The following CRTC3 variants were observed in gnomAD, a reference collection of about 807,000 sequenced individuals.
CRTC3 encodes CREB-regulated transcription coactivator 3.
In CRTC3, 26 loss-of-function variants were observed where a neutral mutation model predicts 74.5. The ratio of observed to expected loss-of-function variants is 0.35; its 90% CI spans 0.26 to 0.48. The LOEUF is 0.48. Ranked by LOEUF, CRTC3 falls within the 20% of genes least tolerant of loss-of-function variation. The pLI, the probability that CRTC3 is intolerant of heterozygous loss-of-function variation, is 0.99. For missense variants in CRTC3, 760 were observed against 787.3 expected (o/e 0.97, Z 0.41); for synonymous variants, 377 against 325.8 (o/e 1.16, Z -1.69).
chr15:90,560,992 T>G (rs1966999421), intron 2 of CRTC3, among the ~76,000 whole-genome samples: 1 of 152,226 alleles, frequency 6.6e-6, no homozygotes, highest in South Asian at 2.1e-4. Flanking sequence ...AATTTTCATG[T>G]TGATGGTCAC....
At chr15:90,609,130 C>A (rs1968299332) in intron 6 of CRTC3, among the ~76,000 whole-genome samples, 1 of 152,142 alleles carries the variant, frequency 6.6e-6, no homozygotes, top group Non-Finnish European at 1.5e-5. Flanking sequence ...ATAATTGTTG[C>A]TATATTTGTT....
At chr15:90,559,673 G>T (rs542473125) in intron 2 of CRTC3, among the ~76,000 whole-genome samples, 1 of 152,250 alleles carries the variant, frequency 6.6e-6, no homozygotes, top group East Asian at 1.9e-4. Flanking sequence ...CAGTCAGGCT[G>T]GTGTGCAATA....
chr15:90,538,523 A>G (rs1354677737), intron 1 of CRTC3, among the ~76,000 whole-genome samples: 3 of 152,196 alleles, frequency 2.0e-5, no homozygotes, highest in Non-Finnish European at 4.4e-5. Flanking sequence ...GAGAATACAT[A>G]TTGAAATATG....
intron 11 of CRTC3, among the ~76,000 whole-genome samples, chr15:90,634,478 A>AGAT (rs1228281620): frequency 6.6e-6 from 1 of 152,198 alleles, no homozygotes; most frequent in East Asian, 1.9e-4. Context: ...TATCTCTAAT[A>AGAT]GATAAGGATT....
At chr15:90,633,735 C>T (rs1235886145) in intron 11 of CRTC3, among the ~76,000 whole-genome samples, 1 of 152,000 alleles carries the variant, frequency 6.6e-6, no homozygotes, top group Admixed American at 6.6e-5. Context: ...CGAATGTTGA[C>T]TATCCTGGAC....
chr15:90,629,469 A>ACAT lies in CRTC3; in HGVS notation c.1206_1208dup (p.His402dup). 1 of 1,614,128 alleles carries ACAT rather than the reference A, an allele frequency of 6.2e-7. No individual in the cohort carries two copies. Among genetic ancestry groups the ACAT allele is most frequent in the Non-Finnish European group, 8.5e-7 (1 of 1,180,030 alleles). ...TCACGCTTTCTCCTGGCCCTGAAGCACATCAAGGTTTCAGCAGACAGCTGT... is the reference window on the plus strand; with the variant it reads ...TCACGCTTTCTCCTGGCCCTGAAGCACATCATCAAGGTTTCAGCAGACAGCTGT... On this transcript the variant is annotated inframe_insertion, in exon 11 of 15. Transcript: ENST00000268184.
intron 11 of CRTC3, among the ~76,000 whole-genome samples, chr15:90,637,412 G>A (rs986893380): frequency 5.3e-5 from 8 of 152,150 alleles, no homozygotes; most frequent in African/African-American, 9.7e-5. Context: ...TGTGGGATGC[G>A]GGGAAGGGGG....
chr15:90,545,811 T>C (rs184089784), intron 2 of CRTC3, among the ~76,000 whole-genome samples: 5,463 of 151,938 alleles, frequency 0.036, 128 homozygotes, highest in African/African-American at 0.058. Context: ...ATCTCCTGAC[T>C]TTGTGATCCG....
chr15:90,574,181 A>T (rs1014102000), intron 2 of CRTC3, among the ~76,000 whole-genome samples: 4 of 152,172 alleles, frequency 2.6e-5, no homozygotes, highest in African/African-American at 7.2e-5. Context: ...ATTTTAAAAA[A>T]ATATATAAAC....
At position 90,644,132 on chromosome 15, in the gene CRTC3, G is replaced by C. The variant is rs965359122; in HGVS notation, c.*1992G>C. ...GGGAAATCAAACCAGAGTCCTCCTCGCCTGATTTCCAGCTCAGGAAGGGCC... is the reference window on the plus strand; with the variant it reads ...GGGAAATCAAACCAGAGTCCTCCTCCCCTGATTTCCAGCTCAGGAAGGGCC... On this transcript the variant is annotated 3_prime_UTR_variant, in exon 15 of 15. Transcript: ENST00000268184. 1 of 228,420 alleles carries C rather than the reference G, an allele frequency of 4.4e-6. No homozygotes were observed. The allele number at this position is 228,420 out of a possible 1,614,324, so 14.1% of individuals were successfully genotyped here. A position where few individuals can be genotyped will look rare whatever the true frequency, so the allele number is the denominator to read the frequency against.
chr15:90,619,233 G>T (rs562280896), intron 8 of CRTC3, among the ~76,000 whole-genome samples: 22 of 152,328 alleles, frequency 1.4e-4, no homozygotes, highest in African/African-American at 5.1e-4. Context: ...GAGGCGGGTG[G>T]ATCACCTGAG....
intron 2 of CRTC3, among the ~76,000 whole-genome samples, chr15:90,549,296 G>A (rs1406268504): frequency 1.3e-5 from 2 of 151,986 alleles, no homozygotes; most frequent in African/African-American, 2.4e-5. Context: ...GTGTGTGTGT[G>A]TGTGTGTGTA....
intron 13 of CRTC3, among the ~76,000 whole-genome samples, chr15:90,640,245 T>A (rs1969391219): frequency 1.3e-5 from 2 of 152,146 alleles, no homozygotes; most frequent in Admixed American, 6.5e-5. Context: ...TTAAAATGGC[T>A]TAGAAAATTA....
chr15:90,604,564 G>A (rs545946106), intron 5 of CRTC3, 117 bp downstream of exon 5: 5 of 806,984 alleles, frequency 6.2e-6, no homozygotes, highest in South Asian at 4.6e-5. Flanking sequence ...GATATGACAT[G>A]TTCAAAACAA....
At chr15:90,585,928 C>G (rs1053027372) in intron 2 of CRTC3, among the ~76,000 whole-genome samples, 3 of 152,148 alleles carry the variant, frequency 2.0e-5, no homozygotes, top group Admixed American at 1.3e-4. Flanking sequence ...GCTTTCTTTG[C>G]TTTCTGGCTC....
chr15:90,599,911 A>G (rs1049251260), intron 3 of CRTC3, among the ~76,000 whole-genome samples: 2 of 152,224 alleles, frequency 1.3e-5, no homozygotes, highest in African/African-American at 4.8e-5. Flanking sequence ...AGATTCATCA[A>G]ATCTGCAGAA....
chr15:90,591,314 C>T (rs1468496081), intron 2 of CRTC3, among the ~76,000 whole-genome samples: 3 of 151,874 alleles, frequency 2.0e-5, no homozygotes, highest in African/African-American at 7.3e-5. Flanking sequence ...GAGACAGGGT[C>T]TCACTATGTT....
rs1395383648 is a variant in CRTC3, at chr15:90,642,057, G to A, written c.1777G>A (p.Asp593Asn). Reference protein sequence around the residue: ...EELQIEPLSLDGLNMLSDSSM... With the variant: ...EELQIEPLSLNGLNMLSDSSM... ...GCTGCAGATTGAACCCCTGAGCCTGGACGGACTCAACATGTTAAGTGACTC... is the reference window on the plus strand; with the variant it reads ...GCTGCAGATTGAACCCCTGAGCCTGAACGGACTCAACATGTTAAGTGACTC... The change falls in exon 15 of 15, where the codon GAC becomes AAC. Residue 593 changes from aspartate to asparagine, a missense_variant. Around this residue, in one of 2 missense-constraint regions of CRTC3, gnomAD observed 652 missense variants for 635.2 expected, o/e 1.03. Transcript: ENST00000268184. 2 of 1,614,012 alleles carry A rather than the reference G, an allele frequency of 1.2e-6. No individual in the cohort carries two copies. Among genetic ancestry groups the A allele is most frequent in the African/African-American group, 1.3e-5 (1 of 75,028 alleles).
chr15:90,629,341 G>A lies in CRTC3; in HGVS notation c.1075G>A (p.Ala359Thr), dbSNP rs748480543. 1 of 1,613,872 alleles carries A rather than the reference G, an allele frequency of 6.2e-7. No individual in the cohort carries two copies. Among genetic ancestry groups the A allele is most frequent in the African/African-American group, 1.3e-5 (1 of 74,862 alleles). Residue 359 changes from alanine (A) to threonine (T), a missense_variant, in exon 11 of 15, where the codon GCT (alanine) becomes ACT (threonine). Physicochemically the swap from Ala to Thr is moderately conservative, Grantham distance 58 (BLOSUM62 0). Transcript: ENST00000268184. ...ACAGACATCTGTTCCCAACGCATCTGCTCTTCACCCTTCGCTCCGTCTGTT... is the reference window on the plus strand; with the variant it reads ...ACAGACATCTGTTCCCAACGCATCTACTCTTCACCCTTCGCTCCGTCTGTT... ...HPQTSVPNAS[A>T]LHPSLRLFSL...
Sources: gnomAD v4.1 joint callset for allele counts (sites outside exome capture counted in the v4.1 genomes callset) on GRCh38, gnomAD v4.1.1 for gene constraint, gnomAD v4.1.1 regional missense constraint, MANE v1.5 for transcripts, NCBI Gene and HGNC (gene_info 2026-07-23, HGNC 2026-07-21) for gene names.